The following NHSL2 variants were observed in gnomAD, a reference collection of about 807,000 sequenced individuals.
NHSL2 encodes the protein NHS like 2.
A neutral mutation model predicts 53.4 loss-of-function variants in NHSL2; 27 were observed. The observed-to-expected ratio is 0.51, with a 90% CI of 0.37 to 0.70. NHSL2 has a LOEUF of 0.70. Among genes scored for constraint, NHSL2 ranks in the 30% least tolerant of loss-of-function variants. NHSL2 has a pLI of 0.00. For synonymous variants in NHSL2, 408 were observed against 404.1 expected, an observed-to-expected ratio of 1.01 and a Z score of -0.12; for missense variants, 892 against 980.1, an observed-to-expected ratio of 0.91 and a Z score of 1.20.
At chrX:72,089,474 G>A (rs751343035) in intron 1 of NHSL2, among the ~76,000 whole-genome samples, 2 of 111,135 alleles carry the variant, frequency 1.8e-5, no homozygotes, top group East Asian at 2.8e-4. Context: ...GGTCTATAGC[G>A]TGAGTGAAAG....
chrX:72,086,300 G>T (rs902866860), intron 1 of NHSL2, among the ~76,000 whole-genome samples: 3 of 109,476 alleles, frequency 2.7e-5, no homozygotes, highest in Admixed American at 1.9e-4. Context: ...TTAAACAAGG[G>T]GGCCCTCATT....
At chrX:72,036,494 A>T (rs2042242165) in intron 1 of NHSL2, among the ~76,000 whole-genome samples, 1 of 112,375 alleles carries the variant, frequency 8.9e-6, no homozygotes, top group Non-Finnish European at 1.9e-5. Context: ...GGTTTTACTC[A>T]ACTTCTTGAA....
intron 1 of NHSL2, among the ~76,000 whole-genome samples, chrX:71,991,808 GTCTTTC>G (rs1478662484): frequency 2.9e-5 from 2 of 67,868 alleles, no homozygotes; most frequent in African/African-American, 1.2e-4. Flanking sequence ...CTCTCTGTGT[GTCTTTC>G]TCTTTCTCTC....
chrX:72,102,843 T>G (rs1417203196), intron 1 of NHSL2, among the ~76,000 whole-genome samples: 1 of 111,984 alleles, frequency 8.9e-6, no homozygotes, highest in Non-Finnish European at 1.9e-5. Context: ...GGAGCAGGTA[T>G]TTTTAGGAAA....
At chrX:71,922,785 T>A (rs12012980) in intron 1 of NHSL2, among the ~76,000 whole-genome samples, 18,081 of 111,834 alleles carry the variant, frequency 0.16, 2,063 homozygotes, top group African/African-American at 0.4. Context: ...TGGGAAACAT[T>A]CCAGCTCCCA....
chrX:72,005,123 T>C (rs1011412330), intron 1 of NHSL2, among the ~76,000 whole-genome samples: 1 of 112,165 alleles, frequency 8.9e-6, no homozygotes, highest in Non-Finnish European at 1.9e-5. Context: ...TGAGTATCTA[T>C]ATTAATTTTT....
In NHSL2 at chrX:71,959,984, C is replaced by T. The variant is rs925831487; in HGVS notation, c.280+48617C>T. ...TTTGAGGAACTGCCAGACTGTTTTC[C>T]AAAGTGGCTATACCATCTCTCCACA... On this transcript the variant is annotated intron_variant, in intron 1 of 7. Coordinates refer to ENST00000633930, the MANE Select transcript of NHSL2 (RefSeq NM_001013627.3). Among the ~76,000 whole-genome samples the T allele has an allele frequency of 1.8e-5, 2 of 111,870 alleles. 1 individual carries two copies. The highest frequency in any genetic ancestry group is 7.4e-4 in the South Asian group (2 of 2,697).
intron 1 of NHSL2, among the ~76,000 whole-genome samples, chrX:71,997,275 G>A (rs1031195939): frequency 3.6e-5 from 4 of 111,715 alleles, no homozygotes; most frequent in Admixed American, 9.4e-5. Context: ...AGCTAAGAAC[G>A]TGCCAGTGGG....
intron 1 of NHSL2, among the ~76,000 whole-genome samples, chrX:72,012,402 T>C (rs942838161): frequency 8.9e-6 from 1 of 112,426 alleles, no homozygotes; most frequent in African/African-American, 3.2e-5. Flanking sequence ...GCCAGAAGTC[T>C]GAGCTTAAGG....
chrX:72,094,808 C>G (rs780396141), intron 1 of NHSL2, among the ~76,000 whole-genome samples: 83 of 111,919 alleles, frequency 7.4e-4, no homozygotes, highest in Non-Finnish European at 1.3e-3. Flanking sequence ...CATCATGGAG[C>G]TCTAAGTATA....
chrX:71,954,350 G>T lies in NHSL2; in HGVS notation c.280+42983G>T, dbSNP rs149008048. On this transcript the variant is annotated intron_variant, in intron 1 of 7. Coordinates refer to ENST00000633930, the MANE Select transcript of NHSL2 (RefSeq NM_001013627.3). ...GCAGAAGCCAGGAGGACTTGCCCCC[G>T]GTTTCCTGACTCTCATGCACTGTGC... Among the ~76,000 whole-genome samples, 249 of 112,296 alleles carry T rather than the reference G, an allele frequency of 2.2e-3. 7 individuals carry two copies. In the East Asian group the frequency reaches 0.047, roughly 21 times the overall value.
intron 1 of NHSL2, among the ~76,000 whole-genome samples, chrX:71,989,281 G>A (rs1292826819): frequency 2.2e-5 from 2 of 92,914 alleles, no homozygotes; most frequent in Admixed American, 1.5e-4. Flanking sequence ...CCCGGGAGGC[G>A]GAACTTGCAG....
rs768368842 is a variant in NHSL2 at position 72,139,746 on chromosome X, G to A, written c.2198G>A (p.Gly733Asp). ...ACTGTTTCCATGTCCCTGACCCTGG[G>A]CCACTTACCCCCTCCAAGCAGCAGT... ...TPTVSMSLTL[G>D]HLPPPSSSVR... The change falls in exon 6 of 8, where the codon GGC (glycine) becomes GAC (aspartate). Residue 733 changes from glycine (G) to aspartate (D), a missense_variant. Transcript: ENST00000633930. 2 of 1,208,556 alleles carry A rather than the reference G, an allele frequency of 1.7e-6. No individual in the cohort carries two copies.
chrX:71,970,145 A>G (rs2147858073), intron 1 of NHSL2, among the ~76,000 whole-genome samples: 1 of 111,699 alleles, frequency 9.0e-6, no homozygotes, highest in South Asian at 3.7e-4. Flanking sequence ...ATATAGCTAT[A>G]TTTGATCTGC....
At chrX:71,979,077 C>G (rs1471163272) in intron 1 of NHSL2, among the ~76,000 whole-genome samples, 1 of 110,400 alleles carries the variant, frequency 9.1e-6, no homozygotes, top group Admixed American at 9.7e-5. Context: ...CATGTCCCTA[C>G]AAAGGACATC....
In NHSL2 at chrX:72,058,820, C is replaced by A. The variant is rs971600802; in HGVS notation, c.281-73259C>A. ...GACACTGTCTTTGTCCATCACATTG[C>A]AGGAGTGATTTGGTCTGCATGTCAG... On this transcript the variant is annotated intron_variant, in intron 1 of 7. Coordinates refer to ENST00000633930, the MANE Select transcript of NHSL2 (RefSeq NM_001013627.3). Among the ~76,000 whole-genome samples the A allele has an allele frequency of 2.7e-5, 3 of 112,213 alleles. No individual in the cohort carries two copies. In the South Asian group the frequency reaches 1.1e-3, roughly 41 times the overall value.
intron 1 of NHSL2, among the ~76,000 whole-genome samples, chrX:71,934,888 A>G (rs1235757918): frequency 8.9e-6 from 1 of 112,468 alleles, no homozygotes; most frequent in Non-Finnish European, 1.9e-5. Context: ...CATCAAAACC[A>G]CAGAATCCTT....
chrX:72,021,989 T>C (rs2042162515), intron 1 of NHSL2, among the ~76,000 whole-genome samples: 2 of 111,929 alleles, frequency 1.8e-5, no homozygotes, highest in South Asian at 7.4e-4. Context: ...GCCTCAGTCA[T>C]GCCTTAGAAT....
At position 72,142,253 on chromosome X, in the gene NHSL2, C is replaced by T; in HGVS notation, c.3245C>T (p.Thr1082Ile). The change falls in exon 7 of 8, where the codon ACC becomes ATC. Residue 1082 changes from threonine to isoleucine, a missense_variant. Physicochemically the swap from Thr to Ile is moderately conservative, Grantham distance 89. Coordinates refer to ENST00000633930, the MANE Select transcript of NHSL2 (RefSeq NM_001013627.3). ...SPLGSSVEPG[T>I]EEKSLISDKT... ...CTAGGGAGTTCTGTGGAACCAGGCA[C>T]CGAAGAAAAAAGTTTAATCAGTGAT... 1 of 1,162,592 alleles carries T rather than the reference C, an allele frequency of 8.6e-7. No homozygotes were observed. The highest frequency in any genetic ancestry group is 1.2e-6 in the Non-Finnish European group (1 of 869,494).
Sources: gnomAD v4.1 joint callset for allele counts (sites outside exome capture counted in the v4.1 genomes callset) on GRCh38, gnomAD v4.1.1 for gene constraint, MANE v1.5 for transcripts, NCBI Gene and HGNC (gene_info 2026-07-23, HGNC 2026-07-21) for gene names.